Variants in WWOX observed in about 807,000 individuals in gnomAD.
WWOX encodes WW domain containing oxidoreductase, also known as WW domain-containing oxidoreductase.
Under a neutral mutation model 46.2 loss-of-function variants are expected in WWOX, and 69 were observed. The observed-to-expected ratio is 1.49, with a 90% CI of 1.23 to 1.82. WWOX has a LOEUF of 1.82. Ranked by LOEUF, WWOX falls within the 40% of genes most tolerant of loss-of-function variation. WWOX has a pLI of 0.00. For missense variants in WWOX, 919 were observed against 542.6 expected (o/e 1.69, Z -6.89); for synonymous variants, 359 against 202.6 (o/e 1.77, Z -6.56).
At chr16:78,822,416 C>T (rs1032239451) in intron 8 of WWOX, among the ~76,000 whole-genome samples, 2 of 152,144 alleles carry the variant, frequency 1.3e-5, no homozygotes, top group African/African-American at 2.4e-5. Flanking sequence ...ATGGCTTGAA[C>T]CCAGGAGGCA....
At chr16:78,780,176 G>T (rs1163647219) in intron 8 of WWOX, among the ~76,000 whole-genome samples, 2 of 152,044 alleles carry the variant, frequency 1.3e-5, no homozygotes, top group Non-Finnish European at 2.9e-5. Context: ...CTCCTCTCCA[G>T]CCCTCACCTG....
intron 8 of WWOX, among the ~76,000 whole-genome samples, chr16:78,851,332 T>G (rs572552134): frequency 5.3e-5 from 8 of 152,206 alleles, no homozygotes; most frequent in Admixed American, 5.2e-4. Flanking sequence ...TTAATCTGAG[T>G]AGGAAGAGAG....
chr16:78,979,898 G>C (rs1274781048), intron 8 of WWOX, among the ~76,000 whole-genome samples: 1 of 152,172 alleles, frequency 6.6e-6, no homozygotes, highest in Admixed American at 6.5e-5. Context: ...GGAGGCCAAG[G>C]TGGGTGGATC....
intron 8 of WWOX, among the ~76,000 whole-genome samples, chr16:78,540,819 G>A (rs771498509): frequency 2.4e-4 from 36 of 152,226 alleles, no homozygotes; most frequent in Non-Finnish European, 1.5e-4. Context: ...GAGTAGATGG[G>A]ACTACAGGCA....
chr16:78,449,090 G>A (rs1361002645), intron 8 of WWOX, among the ~76,000 whole-genome samples: 3 of 152,130 alleles, frequency 2.0e-5, no homozygotes, highest in Non-Finnish European at 2.9e-5. Flanking sequence ...ACTCAGCAGG[G>A]AAGGATCCAC....
Position 78,734,654 on chromosome 16 carries a change from ACT to A in WWOX, c.1056+301905_1056+301906del, listed in dbSNP as rs1256134968. Reference sequence around the variant, plus strand: ...GTGCCCACATGTTTGGTCAAACATCACTCTGGGGTGTCTGTGAGTGTGTTTCT... The same window carrying A: ...GTGCCCACATGTTTGGTCAAACATCACTGGGGTGTCTGTGAGTGTGTTTCT... On this transcript the variant is annotated intron_variant, in intron 8 of 8. Transcript: ENST00000566780. 6.6e-5 allele frequency among the ~76,000 whole-genome samples: 10 copies of A among 151,748 alleles called. No homozygotes were observed. The East Asian group carries it at 2.0e-3, about 30-fold the overall frequency.
At chr16:79,017,164 C>T (rs1330935429) in intron 8 of WWOX, 1 of 152,298 alleles carries the variant, frequency 6.6e-6, no homozygotes, top group Non-Finnish European at 1.5e-5. Flanking sequence ...GGCGCAGTGG[C>T]TCACGCCTGT....
intron 5 of WWOX, among the ~76,000 whole-genome samples, chr16:78,201,338 A>G (rs894458197): frequency 1.3e-5 from 2 of 152,208 alleles, no homozygotes; most frequent in African/African-American, 4.8e-5. Context: ...TATTAAGCTT[A>G]TGAGAATATT....
chr16:78,910,714 G>A (rs1170513368), intron 8 of WWOX, among the ~76,000 whole-genome samples: 5 of 151,862 alleles, frequency 3.3e-5, no homozygotes, highest in African/African-American at 1.2e-4. Flanking sequence ...AACTTGTGCA[G>A]GGGAACTCCC....
chr16:78,385,214 C>G (rs1002827208), intron 5 of WWOX, among the ~76,000 whole-genome samples: 3 of 151,250 alleles, frequency 2.0e-5, no homozygotes, highest in Non-Finnish European at 2.9e-5. Flanking sequence ...GGATCCTTCC[C>G]TCAGTAATCT....
intron 8 of WWOX, among the ~76,000 whole-genome samples, chr16:78,939,861 G>T (rs2045816999): frequency 1.3e-5 from 2 of 152,162 alleles, no homozygotes; most frequent in South Asian, 4.1e-4. Flanking sequence ...TTTTGGCATA[G>T]ACGTGTGGAC....
chr16:79,176,659 C>G (rs1311309482), intron 8 of WWOX, among the ~76,000 whole-genome samples: 4 of 152,060 alleles, frequency 2.6e-5, no homozygotes, highest in African/African-American at 7.3e-5. Context: ...ATGGACATGT[C>G]TTTTTCTTTC....
chr16:78,859,676 G>T (rs1000743228), intron 8 of WWOX, among the ~76,000 whole-genome samples: 2 of 152,142 alleles, frequency 1.3e-5, no homozygotes. Flanking sequence ...AGCAGGGCGA[G>T]TAATGTACTC....
intron 8 of WWOX, among the ~76,000 whole-genome samples, chr16:78,590,581 G>A (rs539690347): frequency 1.3e-5 from 2 of 152,344 alleles, no homozygotes; most frequent in Non-Finnish European, 1.5e-5. Context: ...ACTAGGTGTT[G>A]AGGAGACATA....
chr16:79,122,354 C>G (rs943956247), intron 8 of WWOX, among the ~76,000 whole-genome samples: 3 of 152,188 alleles, frequency 2.0e-5, no homozygotes, highest in African/African-American at 7.2e-5. Context: ...GCTATTGGAA[C>G]AATAGCGCTT....
chr16:78,732,102 G>C (rs1339740885), intron 8 of WWOX, among the ~76,000 whole-genome samples: 2 of 152,058 alleles, frequency 1.3e-5, no homozygotes, highest in Admixed American at 6.6e-5. Flanking sequence ...GCCCTCAAAT[G>C]ATCCTCCTGC....
chr16:79,175,364 G>C (rs1395866572), intron 8 of WWOX, among the ~76,000 whole-genome samples: 1 of 152,168 alleles, frequency 6.6e-6, no homozygotes, highest in Non-Finnish European at 1.5e-5. Context: ...AGACTTCTGG[G>C]TGTGGGTTTT....
chr16:78,703,214 C>G (rs1192148492), intron 8 of WWOX, among the ~76,000 whole-genome samples: 1 of 152,066 alleles, frequency 6.6e-6, no homozygotes, highest in African/African-American at 2.4e-5. Context: ...GAGTCTGTCT[C>G]TTTTCTCTGT....
At chr16:78,839,334 C>A (rs982314435) in intron 8 of WWOX, among the ~76,000 whole-genome samples, 1 of 152,114 alleles carries the variant, frequency 6.6e-6, no homozygotes, top group Non-Finnish European at 1.5e-5. Context: ...ATCTAACTAT[C>A]CCCTGGCTTG....
Sources: allele counts gnomAD v4.1 joint callset (sites outside exome capture counted in the v4.1 genomes callset), GRCh38; gene constraint gnomAD v4.1.1; transcripts MANE v1.5; gene names NCBI Gene and HGNC (gene_info 2026-07-23, HGNC 2026-07-21).